Variants in GABRA5 observed in about 807,000 individuals in gnomAD.
GABRA5 encodes gamma-aminobutyric acid type A receptor subunit alpha5.
Under a neutral mutation model 47.3 loss-of-function variants are expected in GABRA5, and 18 were observed. The observed-to-expected ratio is 0.38, with a 90% CI of 0.26 to 0.56. GABRA5 has a LOEUF of 0.56. GABRA5 is among the 20% of genes least tolerant of loss of function. The pLI is 0.71. For synonymous variants in GABRA5, 237 were observed against 229.3 expected (o/e 1.03, Z -0.30); for missense variants, 365 against 599.3 (o/e 0.61, Z 4.08).
intron 7 of GABRA5, among the ~76,000 whole-genome samples, chr15:26,916,636 G>T (rs890656092): frequency 2.6e-5 from 4 of 152,046 alleles, no homozygotes; most frequent in African/African-American, 9.7e-5. Flanking sequence ...GATGGGCATT[G>T]TATTGAATCT....
chr15:26,888,394 C>T (rs72712071), intron 6 of GABRA5, among the ~76,000 whole-genome samples: 27,541 of 152,206 alleles, frequency 0.18, 2,717 homozygotes, highest in African/African-American at 0.25. Flanking sequence ...GCTTCCAGCA[C>T]TAGGCAGGGC....
intron 6 of GABRA5, among the ~76,000 whole-genome samples, chr15:26,892,882 GTA>G (rs1394920863): frequency 6.6e-6 from 1 of 151,908 alleles, no homozygotes; most frequent in African/African-American, 2.4e-5. Flanking sequence ...GTGTGTATGG[GTA>G]TGTGTGGTGT....
chr15:26,916,798 G>A (rs1349246783), intron 7 of GABRA5, among the ~76,000 whole-genome samples: 1 of 151,860 alleles, frequency 6.6e-6, no homozygotes, highest in Non-Finnish European at 1.5e-5. Flanking sequence ...CCTTGGTTAA[G>A]TTTATTAATA....
chr15:26,880,913 ATCTTGGATGGGC>A lies in GABRA5; in HGVS notation c.165_176del (p.Leu56_Gly59del). On this transcript the variant is annotated inframe_deletion, in exon 4 of 11. Transcript: ENST00000335625. ...TGACAACATCACGATATTTACCAGG[ATCTTGGATGGGC>A]TCTTGGATGGCTACGACAACAGACT... 1 of 1,613,880 alleles carries A rather than the reference ATCTTGGATGGGC, an allele frequency of 6.2e-7. No individual in the cohort carries two copies. The highest frequency in any genetic ancestry group is 1.1e-5 in the South Asian group (1 of 91,080).
In GABRA5 at chr15:26,939,959, G is replaced by A. The variant is rs757039936; in HGVS notation, c.759G>A (p.Leu253=). 9 of 1,613,994 alleles carry A rather than the reference G, an allele frequency of 5.6e-6. No homozygotes were observed. The South Asian group carries it at 9.9e-5, about 18-fold the overall frequency. Residue 253 remains leucine (L), a synonymous_variant, in exon 9 of 11, where the codon CTG becomes CTA. Coordinates refer to ENST00000335625, the MANE Select transcript of GABRA5 (RefSeq NM_000810.4). ...CAATCATGACAGCTCACTTCCACCT[G>A]AAAAGGAAGATTGGCTACTTTGTCA... is the stretch of plus-strand genomic sequence containing the variant. ...EYTIMTAHFH[L]KRKIGYFVIQ... is the part of the protein sequence containing the mutation.
chr15:26,876,128 C>A (rs1419908035), intron 3 of GABRA5, among the ~76,000 whole-genome samples: 3 of 152,108 alleles, frequency 2.0e-5, no homozygotes, highest in Admixed American at 6.5e-5. Flanking sequence ...CCATCACCTG[C>A]CTATGATCGA....
chr15:26,900,266 A>G (rs1893295595), intron 6 of GABRA5, among the ~76,000 whole-genome samples: 1 of 152,040 alleles, frequency 6.6e-6, no homozygotes, highest in Non-Finnish European at 1.5e-5. Flanking sequence ...ATTTACAATT[A>G]TTATTTTATG....
intron 7 of GABRA5, among the ~76,000 whole-genome samples, chr15:26,917,327 A>G (rs1893740501): frequency 6.6e-6 from 1 of 152,134 alleles, no homozygotes; most frequent in Non-Finnish European, 1.5e-5. Flanking sequence ...ATCTACTGAG[A>G]TGATCAAATG....
chr15:26,929,024 T>C (rs1278490774), intron 7 of GABRA5, among the ~76,000 whole-genome samples: 2 of 152,024 alleles, frequency 1.3e-5, no homozygotes, highest in Non-Finnish European at 2.9e-5. Flanking sequence ...TTTCAACATA[T>C]GAATTTTGGG....
In GABRA5 at chr15:26,883,118, C is replaced by T. The variant is rs1171648194; in HGVS notation, c.209-48C>T. ...ACTGAGAGCACGAGAGTGTGCCAGACGCGCAGGGTGGGTCGGTGCAGCCCA... is the reference window on the plus strand; with the variant it reads ...ACTGAGAGCACGAGAGTGTGCCAGATGCGCAGGGTGGGTCGGTGCAGCCCA... On this transcript the variant is annotated intron_variant, in intron 4 of 10. Transcript: ENST00000335625. This position sits in a 1 kb window ranked among gnomAD's most constrained non-coding sequence, Gnocchi z 4.8. 10 of 1,479,822 alleles carry T rather than the reference C, an allele frequency of 6.8e-6. No individual in the cohort carries two copies. Among genetic ancestry groups the T allele is most frequent in the East Asian group, 2.3e-5 (1 of 44,204 alleles). 91.7% of individuals were successfully genotyped at this position (1,479,822 alleles called of 1,614,324 possible).
intron 7 of GABRA5, among the ~76,000 whole-genome samples, chr15:26,935,117 G>A (rs777393846): frequency 6.6e-6 from 1 of 152,316 alleles, no homozygotes; most frequent in South Asian, 2.1e-4. Flanking sequence ...TTGCTGAACA[G>A]TGGAGCTGAA....
At chr15:26,897,102 C>T (rs1399237153) in intron 6 of GABRA5, among the ~76,000 whole-genome samples, 1 of 151,980 alleles carries the variant, frequency 6.6e-6, no homozygotes, top group Admixed American at 6.6e-5. Context: ...AGAGAGGTCC[C>T]TTCACTGCCA....
intron 9 of GABRA5, among the ~76,000 whole-genome samples, chr15:26,941,564 G>A (rs868338181): frequency 6.6e-6 from 1 of 152,156 alleles, no homozygotes; most frequent in African/African-American, 2.4e-5. Context: ...GCCATACTAC[G>A]TGTCCTTGGT....
chr15:26,905,806 T>G (rs1893431924), intron 6 of GABRA5, among the ~76,000 whole-genome samples: 1 of 152,088 alleles, frequency 6.6e-6, no homozygotes, highest in Non-Finnish European at 1.5e-5. Context: ...AGTTGTTGTT[T>G]TTTTTCACCT....
chr15:26,888,439 C>T (rs1892930531), intron 6 of GABRA5, among the ~76,000 whole-genome samples: 3 of 152,216 alleles, frequency 2.0e-5, no homozygotes, highest in Admixed American at 6.5e-5. Context: ...AGAGCAGTTC[C>T]TCCCTGCCAC....
At chr15:26,934,315 A>T (rs1894185054) in intron 7 of GABRA5, among the ~76,000 whole-genome samples, 1 of 151,938 alleles carries the variant, frequency 6.6e-6, no homozygotes. Flanking sequence ...AAGCCTAGAG[A>T]TATGGGTTTA....
chr15:26,895,104 C>G lies in GABRA5; in HGVS notation c.497+11547C>G, dbSNP rs181778377. Among the ~76,000 whole-genome samples, 547 of 152,114 alleles carry G rather than the reference C, an allele frequency of 3.6e-3. 3 individuals carry two copies. Among genetic ancestry groups the G allele is most frequent in the African/African-American group, 0.013 (521 of 41,512 alleles). On this transcript the variant is annotated intron_variant, in intron 6 of 10. Coordinates refer to ENST00000335625, the MANE Select transcript of GABRA5 (RefSeq NM_000810.4). ...ATGGCTCCTTTTCGTTCTTTCTCTA[C>G]CCGGGGGCACAAGCCCTTCGTTTTT... is the stretch of plus-strand genomic sequence containing the variant.
At chr15:26,938,742 C>T (rs138856856) in intron 8 of GABRA5, among the ~76,000 whole-genome samples, 4 of 152,344 alleles carry the variant, frequency 2.6e-5, no homozygotes, top group South Asian at 2.1e-4. Context: ...CTTTGCACTG[C>T]GGGCCTGTCC....
At chr15:26,942,520 A>G (rs1195826454) in intron 9 of GABRA5, among the ~76,000 whole-genome samples, 1 of 152,194 alleles carries the variant, frequency 6.6e-6, no homozygotes, top group Non-Finnish European at 1.5e-5. Context: ...TTCCAGGTGC[A>G]TAGTAAGTCA....
Sources: allele counts gnomAD v4.1 joint callset (sites outside exome capture counted in the v4.1 genomes callset), GRCh38; gene constraint gnomAD v4.1.1; non-coding constraint Gnocchi (gnomAD v3.1); transcripts MANE v1.5; gene names NCBI Gene and HGNC (gene_info 2026-07-23, HGNC 2026-07-21).